Variants in UNC13B observed in about 807,000 individuals in gnomAD.
UNC13B encodes the protein unc-13 homolog B.
A neutral mutation model predicts 211.0 loss-of-function variants in UNC13B; 144 were observed. The observed-to-expected ratio is 0.68, with a 90% CI of 0.60 to 0.78. The LOEUF is 0.78. Among genes scored for constraint, UNC13B ranks in the 30% least tolerant of loss-of-function variants. The probability of loss-of-function intolerance (pLI) is 0.00; values close to 1 mark genes in which losing one functional copy is unlikely to be tolerated. For missense variants in UNC13B, 1,777 were observed against 2,002.0 expected (o/e 0.89, Z 2.14); for synonymous variants, 709 against 725.8 (o/e 0.98, Z 0.37).
At chr9:35,397,791 T>C in intron 30 of UNC13B, 79 bp downstream of exon 30, 2 of 1,502,352 alleles carry the variant, frequency 1.3e-6, no homozygotes, top group Admixed American at 1.8e-5. Flanking sequence ...GTCCTCAGAA[T>C]TGAGGGTTGG....
intron 7 of UNC13B, among the ~76,000 whole-genome samples, chr9:35,260,914 T>G (rs1827237891): frequency 6.6e-6 from 1 of 152,164 alleles, no homozygotes; most frequent in Admixed American, 6.5e-5. Context: ...TGAAATATAA[T>G]TGAAGCGATT....
At chr9:35,336,158 C>T (rs1444714470) in intron 11 of UNC13B, among the ~76,000 whole-genome samples, 3 of 152,204 alleles carry the variant, frequency 2.0e-5, no homozygotes, top group African/African-American at 7.2e-5. Context: ...ATCTCTACCT[C>T]AGTCCTCTTT....
intron 11 of UNC13B, chr9:35,351,598 A>G: frequency 8.1e-7 from 1 of 1,232,280 alleles, no homozygotes; most frequent in Non-Finnish European, 1.0e-6. Flanking sequence ...GGCTTTCCCC[A>G]GATAAGGCTA....
At chr9:35,380,960 C>A in intron 18 of UNC13B, 140 bp from the exon 19 acceptor site, 1 of 754,490 alleles carries the variant, frequency 1.3e-6, no homozygotes, top group Non-Finnish European at 2.1e-6. Flanking sequence ...TGGAGTGATT[C>A]ACCCTATTTG....
intron 11 of UNC13B, among the ~76,000 whole-genome samples, chr9:35,330,981 A>G (rs1831337458): frequency 6.6e-6 from 1 of 152,214 alleles, no homozygotes; most frequent in African/African-American, 2.4e-5. Context: ...TTCTGGGCAT[A>G]GTATCAATAA....
At chr9:35,343,846 A>G (rs1027770307) in intron 11 of UNC13B, among the ~76,000 whole-genome samples, 2 of 151,944 alleles carry the variant, frequency 1.3e-5, no homozygotes, top group Non-Finnish European at 2.9e-5. Flanking sequence ...TAAACATAAG[A>G]TACATACTAG....
At chr9:35,298,851 C>A (rs918963820) in intron 8 of UNC13B, among the ~76,000 whole-genome samples, 1 of 152,202 alleles carries the variant, frequency 6.6e-6, no homozygotes, top group Non-Finnish European at 1.5e-5. Context: ...CATGTAGCTT[C>A]TGCTGCTATA....
At chr9:35,319,327 C>T (rs757096094) in intron 11 of UNC13B, among the ~76,000 whole-genome samples, 11 of 144,496 alleles carry the variant, frequency 7.6e-5, no homozygotes, top group South Asian at 4.4e-4. Context: ...TGCCTGAACC[C>T]GGGAAGCAGA....
chr9:35,403,685 G>T, intron 39 of UNC13B, 63 bp from the exon 40 acceptor site: 1 of 1,602,624 alleles, frequency 6.2e-7, no homozygotes, highest in Middle Eastern at 1.7e-4. Flanking sequence ...GGGGATGGCA[G>T]ACTGGGGTGA....
intron 1 of UNC13B, among the ~76,000 whole-genome samples, chr9:35,204,660 C>A (rs768270828): frequency 2.0e-5 from 3 of 152,164 alleles, no homozygotes; most frequent in Non-Finnish European, 4.4e-5. Context: ...GGGCCTATGA[C>A]CCCTTTCTTT....
At chr9:35,168,529 T>C (rs1054688560) in intron 1 of UNC13B, among the ~76,000 whole-genome samples, 1 of 152,214 alleles carries the variant, frequency 6.6e-6, no homozygotes, top group Non-Finnish European at 1.5e-5. Context: ...AATGCCTCGG[T>C]GTCTCAGATC....
intron 12 of UNC13B, 51 bp from the exon 13 acceptor site, chr9:35,370,267 G>T: frequency 6.4e-7 from 1 of 1,550,756 alleles, no homozygotes. Context: ...GAACCCACCA[G>T]CTAACTCAAA....
Position 35,310,549 on chromosome 9 carries a change from G to C in UNC13B, c.9091G>C (p.Glu3031Gln). 6.2e-7 allele frequency: 1 copy of C among 1,614,062 alleles called. No individual in the cohort carries two copies. Among genetic ancestry groups the C allele is most frequent in the Non-Finnish European group, 8.5e-7 (1 of 1,180,018 alleles). The change falls in exon 10 of 40, where the codon GAA becomes CAA. Residue 3031 changes from glutamate to glutamine, a missense_variant. Physicochemically the swap from Glu to Gln is conservative, Grantham distance 29 (BLOSUM62 2). Transcript: ENST00000635942. ...SQLSELDQYH[E>Q]QDDDHRETDS... Reference sequence around the variant, plus strand: ...GCTAAGTGAACTAGACCAGTATCACGAACAAGATGACGACCATCGGGAGAC... The same window carrying C: ...GCTAAGTGAACTAGACCAGTATCACCAACAAGATGACGACCATCGGGAGAC...
chr9:35,231,959 A>G (rs1428252496), intron 3 of UNC13B, among the ~76,000 whole-genome samples: 2 of 151,870 alleles, frequency 1.3e-5, no homozygotes, highest in African/African-American at 4.8e-5. Flanking sequence ...TTATCTGTAA[A>G]GGTCTTCCTT....
At chr9:35,291,891 C>A (rs2131780180) in intron 7 of UNC13B, among the ~76,000 whole-genome samples, 1 of 152,214 alleles carries the variant, frequency 6.6e-6, no homozygotes, top group Admixed American at 6.5e-5. Flanking sequence ...AGTACTTCTG[C>A]TATTAGGAAA....
At chr9:35,321,925 A>G (rs2131914711) in intron 11 of UNC13B, among the ~76,000 whole-genome samples, 1 of 152,364 alleles carries the variant, frequency 6.6e-6, no homozygotes, top group African/African-American at 2.4e-5. Context: ...CTTATTTTAG[A>G]AAATTTTTGC....
chr9:35,300,846 A>G lies in UNC13B; in HGVS notation c.1442A>G (p.Asn481Ser). 5.0e-6 allele frequency: 2 copies of G among 398,984 alleles called. No homozygotes were observed. The highest frequency in any genetic ancestry group is 8.8e-6 in the Non-Finnish European group (2 of 226,022). The allele number at this position is 398,984 out of a possible 1,614,324, so 24.7% of individuals were successfully genotyped here. Residue 481 changes from asparagine (N) to serine (S), a missense_variant, in exon 9 of 40, where the codon AAT (asparagine) becomes AGT (serine). Coordinates refer to ENST00000635942, the MANE Select transcript of UNC13B (RefSeq NM_001371189.2). The part of the protein sequence containing the change: ...EYLAEKEEEI[N>S]RFGSLSKTKK... Reference sequence around the variant, plus strand: ...TTAGCAGAGAAGGAAGAGGAGATTAATAGATTTGGTTCACTTTCAAAAACT... The same window carrying G: ...TTAGCAGAGAAGGAAGAGGAGATTAGTAGATTTGGTTCACTTTCAAAAACT...
chr9:35,323,630 T>C (rs1267979594), intron 11 of UNC13B, among the ~76,000 whole-genome samples: 1 of 152,224 alleles, frequency 6.6e-6, no homozygotes, highest in Non-Finnish European at 1.5e-5. Context: ...GCAGTGCCTT[T>C]ACCTGATATC....
chr9:35,334,850 A>G (rs1029522062), intron 11 of UNC13B, among the ~76,000 whole-genome samples: 3 of 152,226 alleles, frequency 2.0e-5, no homozygotes, highest in African/African-American at 7.2e-5. Context: ...CAGCCTGGCC[A>G]ACATGGCGAA....
Sources: allele counts gnomAD v4.1 joint callset (sites outside exome capture counted in the v4.1 genomes callset), GRCh38; gene constraint gnomAD v4.1.1; transcripts MANE v1.5; gene names NCBI Gene and HGNC (gene_info 2026-07-23, HGNC 2026-07-21).